CHMP4C: variants seen among roughly 807,000 people sequenced by gnomAD.
The protein encoded by CHMP4C is charged multivesicular body protein 4C.
CHMP4C carries 28 observed loss-of-function variants against 29.0 expected under a neutral mutation model. The observed-to-expected ratio is 0.97, with a 90% confidence interval of 0.72 to 1.32. CHMP4C has a LOEUF of 1.32. Among genes scored for constraint, CHMP4C ranks in the 40% most tolerant of loss-of-function variants. CHMP4C has a pLI of 0.00. For synonymous variants in CHMP4C, 106 were observed against 102.4 expected, an observed-to-expected ratio of 1.04 and a Z score of -0.21; for missense variants, 291 against 281.0, an observed-to-expected ratio of 1.04 and a Z score of -0.25.
At chr8:81,737,406 C>T (rs946343403) in intron 1 of CHMP4C, among the ~76,000 whole-genome samples, 2 of 152,152 alleles carry the variant, frequency 1.3e-5, no homozygotes, top group South Asian at 2.1e-4. Context: ...CCAGTGCTTC[C>T]GGCCTTGGGA....
chr8:81,737,551 T>A (rs1239233268), intron 1 of CHMP4C, among the ~76,000 whole-genome samples: 1 of 152,194 alleles, frequency 6.6e-6, no homozygotes, highest in Non-Finnish European at 1.5e-5. Flanking sequence ...TCCCAATCCA[T>A]TTTTTTGCAT....
chr8:81,751,010 T>C (rs188450991), intron 1 of CHMP4C, among the ~76,000 whole-genome samples: 200 of 152,282 alleles, frequency 1.3e-3, no homozygotes, highest in Non-Finnish European at 2.4e-3. Context: ...ATAATTTTAT[T>C]ATCAAACTTT....
chr8:81,742,122 T>A (rs1808769119), intron 1 of CHMP4C, among the ~76,000 whole-genome samples: 2 of 152,192 alleles, frequency 1.3e-5, no homozygotes, highest in Non-Finnish European at 2.9e-5. Flanking sequence ...ATGGCTTTTT[T>A]AACCACTGCT....
intron 1 of CHMP4C, among the ~76,000 whole-genome samples, chr8:81,745,844 G>A (rs368974827): frequency 6.6e-6 from 1 of 152,148 alleles, no homozygotes; most frequent in South Asian, 2.1e-4. Flanking sequence ...GGTCTCATCA[G>A]CTGCTTAAAA....
intron 1 of CHMP4C, among the ~76,000 whole-genome samples, chr8:81,739,416 T>TGGG (rs1554592433): frequency 6.2e-5 from 1 of 16,142 alleles, no homozygotes; most frequent in Admixed American, 9.7e-4. Context: ...CCTGGGGGAT[T>TGGG]GTGGGGGGGG....
intron 3 of CHMP4C, among the ~76,000 whole-genome samples, chr8:81,756,048 T>C (rs116590086): frequency 1.1e-3 from 164 of 152,332 alleles, no homozygotes; most frequent in African/African-American, 3.8e-3. Context: ...CAAGTAGGAC[T>C]AGTACACATT....
chr8:81,754,915 T>C (rs1021914529), intron 2 of CHMP4C, among the ~76,000 whole-genome samples: 2 of 152,070 alleles, frequency 1.3e-5, no homozygotes, highest in Non-Finnish European at 2.9e-5. Flanking sequence ...TTACAAAAAA[T>C]AGATCTCTAG....
chr8:81,752,210 C>T (rs1232942760), intron 1 of CHMP4C, among the ~76,000 whole-genome samples: 3 of 152,160 alleles, frequency 2.0e-5, no homozygotes, highest in African/African-American at 7.2e-5. Flanking sequence ...TTTGCCAATT[C>T]CATTTAATTA....
At chr8:81,755,103 T>C (rs1042762204) in intron 2 of CHMP4C, among the ~76,000 whole-genome samples, 2 of 152,120 alleles carry the variant, frequency 1.3e-5, no homozygotes, top group Admixed American at 6.6e-5. Flanking sequence ...TCAAAATGGG[T>C]TTACAAATAG....
chr8:81,755,584 G>C lies in CHMP4C; in HGVS notation c.483+100G>C. Reference sequence around the variant, plus strand: ...TGTTCCCTTACTACTGAAAGAACAAGTGATATTTGTAAGAAAGGTACTTCT... The same window carrying C: ...TGTTCCCTTACTACTGAAAGAACAACTGATATTTGTAAGAAAGGTACTTCT... On this transcript the variant is annotated intron_variant, in intron 3 of 4. Transcript: ENST00000297265. 1.7e-5 allele frequency: 10 copies of C among 600,708 alleles called. No individual in the cohort carries two copies. The South Asian group carries it at 2.7e-4, about 16-fold the overall frequency. The allele number at this position is 600,708 out of a possible 1,614,324, so 37.2% of individuals were successfully genotyped here.
At chr8:81,758,418 G>A (rs1013276840) in intron 4 of CHMP4C, 62 bp from the exon 5 acceptor site, 6 of 1,545,984 alleles carry the variant, frequency 3.9e-6, no homozygotes, top group Admixed American at 3.4e-5. Context: ...ATTCATACCT[G>A]TTTTCTATGC....
At chr8:81,753,516 TA>T (rs1375965308) in intron 2 of CHMP4C, among the ~76,000 whole-genome samples, 4 of 152,162 alleles carry the variant, frequency 2.6e-5, no homozygotes, top group Non-Finnish European at 4.4e-5. Flanking sequence ...TTCTACAGTT[TA>T]AAAAAGGCTT....
At chr8:81,746,882 A>G (rs1808831187) in intron 1 of CHMP4C, among the ~76,000 whole-genome samples, 2 of 152,248 alleles carry the variant, frequency 1.3e-5, no homozygotes, top group South Asian at 4.1e-4. Flanking sequence ...AAAGGAAATG[A>G]TGATGATAAA....
At chr8:81,739,929 A>G (rs1240346953) in intron 1 of CHMP4C, among the ~76,000 whole-genome samples, 2 of 152,248 alleles carry the variant, frequency 1.3e-5, no homozygotes, top group East Asian at 3.8e-4. Flanking sequence ...GTGGAAATCA[A>G]TATGTTCAGC....
At chr8:81,754,602 T>G (rs1221866164) in intron 2 of CHMP4C, among the ~76,000 whole-genome samples, 1 of 152,142 alleles carries the variant, frequency 6.6e-6, no homozygotes, top group Admixed American at 6.6e-5. Flanking sequence ...CCAATCAGTT[T>G]GGCCTAGTTT....
In CHMP4C at chr8:81,732,706, T is replaced by G. The variant is rs756990298; in HGVS notation, c.80T>G (p.Val27Gly). ...RAAPSPQEALVRLRETEEMLG... is the reference protein window; with the variant it reads ...RAAPSPQEALGRLRETEEMLG... ...GCTCCCAGTCCCCAGGAGGCCCTGG[T>G]CCGACTTCGGGAGACTGAGGAGATG... Residue 27 changes from valine to glycine, a missense_variant, in exon 1 of 5, where the codon GTC (valine) becomes GGC (glycine). Coordinates refer to ENST00000297265, the MANE Select transcript of CHMP4C (RefSeq NM_152284.4). The G allele has an allele frequency of 6.3e-7, 1 of 1,597,490 alleles. No homozygotes were observed. The highest frequency in any genetic ancestry group is 8.5e-7 in the Non-Finnish European group (1 of 1,172,120).
intron 1 of CHMP4C, among the ~76,000 whole-genome samples, chr8:81,738,935 A>C (rs541702921): frequency 2.5e-4 from 38 of 152,338 alleles, no homozygotes; most frequent in African/African-American, 8.9e-4. Flanking sequence ...GAATTTATGA[A>C]GTATTATTCA....
intron 1 of CHMP4C, among the ~76,000 whole-genome samples, chr8:81,739,814 T>A (rs564787630): frequency 1.3e-5 from 2 of 152,378 alleles, no homozygotes; most frequent in South Asian, 4.1e-4. Context: ...CTGTTAATAC[T>A]GTCTCAATTT....
chr8:81,737,038 T>G (rs912025031), intron 1 of CHMP4C, among the ~76,000 whole-genome samples: 1 of 152,262 alleles, frequency 6.6e-6, no homozygotes, highest in Non-Finnish European at 1.5e-5. Context: ...AGTTGGAGCT[T>G]GAGTTATAAT....
Sources: allele counts gnomAD v4.1 joint callset (sites outside exome capture counted in the v4.1 genomes callset), GRCh38; gene constraint gnomAD v4.1.1; transcripts MANE v1.5; gene names NCBI Gene and HGNC (gene_info 2026-07-23, HGNC 2026-07-21).